The following OPCML variants were observed in gnomAD, a reference collection of about 807,000 sequenced individuals.
The protein encoded by OPCML is opioid-binding protein/cell adhesion molecule.
Under a neutral mutation model 37.8 loss-of-function variants are expected in OPCML, and 13 were observed. The ratio of observed to expected loss-of-function variants is 0.34; its 90% CI spans 0.22 to 0.55. The LOEUF (loss-of-function observed/expected upper bound fraction) is 0.55. OPCML is among the 20% of genes least tolerant of loss of function. OPCML has a pLI of 0.91. For synonymous variants in OPCML, 176 were observed against 168.8 expected, an observed-to-expected ratio of 1.04 and a Z score of -0.33; for missense variants, 341 against 435.6, an observed-to-expected ratio of 0.78 and a Z score of 1.93.
intron 2 of OPCML, among the ~76,000 whole-genome samples, chr11:132,663,872 G>T (rs561642535): frequency 1.4e-4 from 22 of 152,112 alleles, no homozygotes; most frequent in Non-Finnish European, 3.1e-4. Context: ...TCACTCTGTC[G>T]CCCAGGCTTG....
intron 7 of OPCML, among the ~76,000 whole-genome samples, chr11:132,426,552 C>T (rs1407858763): frequency 6.6e-6 from 1 of 152,074 alleles, no homozygotes; most frequent in African/African-American, 2.4e-5. Context: ...CCTGCCTCAG[C>T]CTCCCAAGTA....
chr11:132,942,062 G>A (rs1314862540), intron 2 of OPCML, among the ~76,000 whole-genome samples: 2 of 152,176 alleles, frequency 1.3e-5, no homozygotes, highest in East Asian at 3.9e-4. Context: ...TAGTTAAGCT[G>A]GGACGTCCCT....
At chr11:132,811,181 C>T (rs1242023753) in intron 2 of OPCML, among the ~76,000 whole-genome samples, 5 of 152,094 alleles carry the variant, frequency 3.3e-5, no homozygotes, top group Non-Finnish European at 7.4e-5. Context: ...CAAACTGCTC[C>T]CAGCTGCAAT....
intron 1 of OPCML, among the ~76,000 whole-genome samples, chr11:133,409,665 A>C (rs1945602844): frequency 6.6e-6 from 1 of 152,210 alleles, no homozygotes; most frequent in Non-Finnish European, 1.5e-5. Context: ...TCTCATAGAT[A>C]CTAGTAGGTC....
At chr11:132,581,850 C>T (rs887907930) in intron 3 of OPCML, among the ~76,000 whole-genome samples, 2 of 152,002 alleles carry the variant, frequency 1.3e-5, no homozygotes, top group African/African-American at 2.4e-5. Flanking sequence ...AGTGTATTAT[C>T]TCAAGGGGAG....
intron 1 of OPCML, among the ~76,000 whole-genome samples, chr11:133,409,373 A>C (rs1429397135): frequency 6.6e-6 from 1 of 152,204 alleles, no homozygotes; most frequent in African/African-American, 2.4e-5. Context: ...GGTTAGAGGA[A>C]AATTTAGAAA....
At chr11:132,991,850 G>A (rs1161336090) in intron 1 of OPCML, among the ~76,000 whole-genome samples, 1 of 151,870 alleles carries the variant, frequency 6.6e-6, no homozygotes, top group African/African-American at 2.4e-5. Flanking sequence ...GAAATACCTG[G>A]AAAATGTTTA....
At chr11:133,187,274 A>G (rs1286236854) in intron 1 of OPCML, among the ~76,000 whole-genome samples, 1 of 152,036 alleles carries the variant, frequency 6.6e-6, no homozygotes, top group Non-Finnish European at 1.5e-5. Context: ...TCTCACTTAT[A>G]ATACACATCC....
At chr11:133,517,661 C>A (rs1948310971) in intron 1 of OPCML, among the ~76,000 whole-genome samples, 1 of 152,228 alleles carries the variant, frequency 6.6e-6, no homozygotes, top group Non-Finnish European at 1.5e-5. Context: ...GCCAGGCTGA[C>A]TCCTGGGCAA....
At chr11:132,956,829 G>A (rs905557765) in intron 1 of OPCML, among the ~76,000 whole-genome samples, 15 of 152,108 alleles carry the variant, frequency 9.9e-5, no homozygotes, top group African/African-American at 3.6e-4. Context: ...CAAAGATAGA[G>A]TCAGGGAAAA....
chr11:133,059,411 A>C (rs1729744970), intron 1 of OPCML, among the ~76,000 whole-genome samples: 1 of 152,184 alleles, frequency 6.6e-6, no homozygotes, highest in African/African-American at 2.4e-5. Flanking sequence ...CACTGTGTTG[A>C]TATTTGCACT....
intron 1 of OPCML, chr11:133,024,522 G>A: frequency 2.0e-6 from 2 of 985,368 alleles, no homozygotes; most frequent in Non-Finnish European, 2.4e-6. Flanking sequence ...AACGCTTATT[G>A]CCTGCTGTAA....
chr11:133,080,463 G>C (rs1258798682), intron 1 of OPCML, among the ~76,000 whole-genome samples: 1 of 142,440 alleles, frequency 7.0e-6, no homozygotes. Context: ...TTCCCACTTT[G>C]GTAATCAAAT....
At chr11:132,775,585 C>A (rs532405797) in intron 2 of OPCML, among the ~76,000 whole-genome samples, 1 of 152,306 alleles carries the variant, frequency 6.6e-6, no homozygotes, top group South Asian at 2.1e-4. Flanking sequence ...AGCAGGCTGC[C>A]TGTCGATTGC....
intron 1 of OPCML, among the ~76,000 whole-genome samples, chr11:133,014,738 T>G (rs1947287863): frequency 6.6e-6 from 1 of 152,178 alleles, no homozygotes; most frequent in African/African-American, 2.4e-5. Context: ...GAGAAAGAAG[T>G]AAACAGTTTT....
intron 4 of OPCML, among the ~76,000 whole-genome samples, chr11:132,478,179 A>G (rs2096164071): frequency 6.6e-6 from 1 of 152,228 alleles, no homozygotes; most frequent in Admixed American, 6.5e-5. Flanking sequence ...GCTGTATTCA[A>G]ATAGACTTAG....
chr11:132,682,562 G>T (rs1050993107), intron 2 of OPCML, among the ~76,000 whole-genome samples: 5 of 152,192 alleles, frequency 3.3e-5, no homozygotes, highest in Non-Finnish European at 5.9e-5. Context: ...GAGAAAGCCT[G>T]TTTAGAACCA....
chr11:132,790,857 A>G (rs888750521), intron 2 of OPCML, among the ~76,000 whole-genome samples: 1 of 152,226 alleles, frequency 6.6e-6, no homozygotes, highest in South Asian at 2.1e-4. Flanking sequence ...ATCATCCACC[A>G]TAGAAATCAC....
chr11:133,072,924 T>C (rs971348561), intron 1 of OPCML, among the ~76,000 whole-genome samples: 8 of 152,182 alleles, frequency 5.3e-5, no homozygotes, highest in Admixed American at 3.9e-4. Flanking sequence ...AGGGTTGGTG[T>C]GAAGACAGAT....
Sources: gnomAD v4.1 joint callset for allele counts (sites outside exome capture counted in the v4.1 genomes callset) on GRCh38, gnomAD v4.1.1 for gene constraint, MANE v1.5 for transcripts, NCBI Gene and HGNC (gene_info 2026-07-23, HGNC 2026-07-21) for gene names.